The following CPS1 variants were observed in gnomAD, a reference collection of about 807,000 sequenced individuals.
CPS1 encodes carbamoyl-phosphate synthase 1, also known as carbamoyl-phosphate synthase [ammonia], mitochondrial.
Under a neutral mutation model 174.6 loss-of-function variants are expected in CPS1, and 109 were observed. The observed-to-expected ratio is 0.62, with a 90% CI of 0.53 to 0.73. The LOEUF is 0.73. Among genes scored for constraint, CPS1 ranks in the 30% least tolerant of loss-of-function variants. CPS1 has a pLI of 0.00. For missense variants in CPS1, 1,689 were observed against 1,821.9 expected, an observed-to-expected ratio of 0.93 and a Z score of 1.33; for synonymous variants, 637 against 632.0, an observed-to-expected ratio of 1.01 and a Z score of -0.12.
At chr2:210,628,718 T>TCC (rs1699768241) in intron 21 of CPS1, among the ~76,000 whole-genome samples, 1 of 151,854 alleles carries the variant, frequency 6.6e-6, no homozygotes, top group Non-Finnish European at 1.5e-5. Flanking sequence ...GAGAATCGCC[T>TCC]GAACTGGGGA....
At chr2:210,553,428 A>G (rs1696780694), upstream of CPS1, among the ~76,000 whole-genome samples, 1 of 152,180 alleles carries the variant, frequency 6.6e-6, no homozygotes, top group South Asian at 2.1e-4. Context: ...GAGGGATTTC[A>G]CAGGCTAAAT....
At chr2:210,508,804 C>T (rs537868329) in intron 1 of CPS1, among the ~76,000 whole-genome samples, 9 of 152,310 alleles carry the variant, frequency 5.9e-5, no homozygotes, top group African/African-American at 2.2e-4. Flanking sequence ...TTCCTTGACA[C>T]ATACACCCTC....
At chr2:210,606,024 TA>T (rs1443711968) in intron 17 of CPS1, among the ~76,000 whole-genome samples, 2 of 151,966 alleles carry the variant, frequency 1.3e-5, no homozygotes, top group African/African-American at 4.8e-5. Context: ...AACTATTTTA[TA>T]AAAGAGCTTT....
chr2:210,676,788 C>T lies in CPS1; in HGVS notation c.4275-219C>T, dbSNP rs77378004. ...AGCATTTTAAAGAGAAAACAAACAT[C>T]TGCATTCCATTAGACTTGCACTAGA... On this transcript the variant is annotated intron_variant, in intron 36 of 37. Transcript: ENST00000233072. Among the ~76,000 whole-genome samples, 853 of 152,272 alleles carry T rather than the reference C, an allele frequency of 5.6e-3. 10 individuals carry two copies. The highest frequency in any genetic ancestry group is 0.02 in the African/African-American group (815 of 41,560).
At chr2:210,587,067 A>T (rs1472614693) in intron 6 of CPS1, among the ~76,000 whole-genome samples, 1 of 100,660 alleles carries the variant, frequency 9.9e-6, no homozygotes, top group African/African-American at 4.1e-5. Context: ...TGAAAGGATT[A>T]GGGTATTTTT....
upstream of CPS1, among the ~76,000 whole-genome samples, chr2:210,554,460 T>C (rs1228199526): frequency 4.0e-5 from 6 of 151,858 alleles, no homozygotes; most frequent in East Asian, 9.7e-4. Flanking sequence ...TCATGCTTTG[T>C]AGTCAACTGC....
At chr2:210,563,691 T>G (rs1697184822) in intron 1 of CPS1, among the ~76,000 whole-genome samples, 1 of 152,194 alleles carries the variant, frequency 6.6e-6, no homozygotes, top group African/African-American at 2.4e-5. Flanking sequence ...TGATTTTTAA[T>G]AACATAATAC....
chr2:210,575,852 C>T (rs189427279), intron 2 of CPS1, among the ~76,000 whole-genome samples: 75 of 152,028 alleles, frequency 4.9e-4, no homozygotes, highest in Non-Finnish European at 1.9e-4. Flanking sequence ...ATGCAACCAC[C>T]ACTAACACAA....
At chr2:210,628,837 A>T (rs1019051925) in intron 21 of CPS1, among the ~76,000 whole-genome samples, 1 of 152,106 alleles carries the variant, frequency 6.6e-6, no homozygotes, top group Non-Finnish European at 1.5e-5. Flanking sequence ...CAAGGCTCTA[A>T]GTAATTCTTT....
chr2:210,618,232 GA>G (rs1242119577), intron 21 of CPS1: 7 of 152,032 alleles, frequency 4.6e-5, no homozygotes, highest in African/African-American at 1.7e-4. Flanking sequence ...CCGACAATTT[GA>G]CATTTTCAAT....
intron 1 of CPS1, among the ~76,000 whole-genome samples, chr2:210,528,641 C>T (rs1696036403): frequency 1.3e-5 from 2 of 151,724 alleles, no homozygotes; most frequent in African/African-American, 4.8e-5. Flanking sequence ...AGTGGTGAAC[C>T]TTGTGAACTA....
intron 1 of CPS1, among the ~76,000 whole-genome samples, chr2:210,509,013 C>T (rs1418089160): frequency 3.3e-5 from 5 of 152,126 alleles, no homozygotes; most frequent in Non-Finnish European, 5.9e-5. Context: ...AGAGGGAATC[C>T]TCCCTAACTC....
At chr2:210,631,039 A>T (rs2105887482) in intron 21 of CPS1, among the ~76,000 whole-genome samples, 2 of 148,794 alleles carry the variant, frequency 1.3e-5, no homozygotes, top group East Asian at 2.0e-4. Flanking sequence ...TTTTTTTTAA[A>T]GAGGATAATA....
At chr2:210,635,069 G>T (rs1301149516) in intron 21 of CPS1, among the ~76,000 whole-genome samples, 2 of 152,056 alleles carry the variant, frequency 1.3e-5, no homozygotes, top group Non-Finnish European at 2.9e-5. Flanking sequence ...TCAGCCTCTT[G>T]AGTAGCTGGG....
chr2:210,567,589 A>C (rs1285487275), intron 1 of CPS1, among the ~76,000 whole-genome samples: 1 of 152,188 alleles, frequency 6.6e-6, no homozygotes, highest in African/African-American at 2.4e-5. Flanking sequence ...CTAGTGATGG[A>C]GGATTAGATT....
At chr2:210,546,115 A>G (rs1696557939) in intron 1 of CPS1, among the ~76,000 whole-genome samples, 1 of 152,074 alleles carries the variant, frequency 6.6e-6, no homozygotes, top group South Asian at 2.1e-4. Flanking sequence ...AGGCTTCTCA[A>G]GAGGGAGCTT....
At chr2:210,485,092 A>G (rs1021367504) in intron 1 of CPS1, among the ~76,000 whole-genome samples, 4 of 151,898 alleles carry the variant, frequency 2.6e-5, no homozygotes, top group Non-Finnish European at 4.4e-5. Flanking sequence ...TTAGCCGGGC[A>G]TGGTGGCAGG....
In CPS1 at chr2:210,637,690, A is replaced by T. The variant is rs376699772; in HGVS notation, c.2688-12A>T. 100 of 1,613,796 alleles carry T rather than the reference A, an allele frequency of 6.2e-5. No individual in the cohort carries two copies. In the East Asian group the frequency reaches 1.7e-3, roughly 28 times the overall value. On this transcript the variant is annotated splice_polypyrimidine_tract_variant and intron_variant, in intron 21 of 37. Transcript: ENST00000233072. ...GTCTAAACTTGAATCTCTCTTTTCTATTAAATCCTAGTGAGTCCATGACAG... is the reference window on the plus strand; with the variant it reads ...GTCTAAACTTGAATCTCTCTTTTCTTTTAAATCCTAGTGAGTCCATGACAG...
chr2:210,590,021 G>T (rs1698234318), intron 7 of CPS1, 85 bp from the exon 8 acceptor site: 7 of 1,549,048 alleles, frequency 4.5e-6, no homozygotes, highest in South Asian at 1.1e-5. Context: ...TTTAAGGAAT[G>T]GTTAGTCAAG....
Sources: allele counts gnomAD v4.1 joint callset (sites outside exome capture counted in the v4.1 genomes callset), GRCh38; gene constraint gnomAD v4.1.1; transcripts MANE v1.5; gene names NCBI Gene and HGNC (gene_info 2026-07-23, HGNC 2026-07-21).